WWOX: variants seen among roughly 807,000 people sequenced by gnomAD.
The protein encoded by WWOX is WW domain containing oxidoreductase.
In WWOX, 69 loss-of-function variants were observed where a neutral mutation model predicts 46.2. That is an observed-to-expected ratio of 1.49 (90% CI 1.23 to 1.82). The LOEUF (loss-of-function observed/expected upper bound fraction) is 1.82. Among genes scored for constraint, WWOX ranks in the 40% most tolerant of loss-of-function variants. The probability of loss-of-function intolerance (pLI) is 0.00; values close to 1 mark genes in which losing one functional copy is unlikely to be tolerated. For missense variants in WWOX, 919 were observed against 542.6 expected (o/e 1.69, Z -6.89); for synonymous variants, 359 against 202.6 (o/e 1.77, Z -6.56).
chr16:78,427,901 C>G (rs757369937), intron 7 of WWOX, among the ~76,000 whole-genome samples: 3 of 152,142 alleles, frequency 2.0e-5, no homozygotes, highest in Admixed American at 1.3e-4. Context: ...AACCCCATCT[C>G]TACTAAAAAT....
At chr16:78,936,331 C>G (rs1037967916) in intron 8 of WWOX, among the ~76,000 whole-genome samples, 5 of 152,154 alleles carry the variant, frequency 3.3e-5, no homozygotes, top group African/African-American at 1.2e-4. Flanking sequence ...CGAGTTTTCC[C>G]TGGACTTATC....
intron 4 of WWOX, among the ~76,000 whole-genome samples, chr16:78,160,814 T>C (rs1255857870): frequency 6.6e-6 from 1 of 152,228 alleles, no homozygotes; most frequent in East Asian, 1.9e-4. Flanking sequence ...AATTAAGTTG[T>C]TCAAGTCTTC....
chr16:79,077,533 G>C (rs1036260868), intron 8 of WWOX: 3 of 152,054 alleles, frequency 2.0e-5, no homozygotes, highest in Non-Finnish European at 4.4e-5. Context: ...TGCAGCTGTG[G>C]GGTTTGTGAG....
At chr16:78,319,500 G>A (rs901063995) in intron 5 of WWOX, among the ~76,000 whole-genome samples, 14 of 151,860 alleles carry the variant, frequency 9.2e-5, no homozygotes, top group African/African-American at 3.1e-4. Context: ...GGGCTCAAGC[G>A]GTCCTCCCTC....
rs1183678804 is a variant in WWOX, at chr16:78,935,425, TA to T, written c.1057-276176del. ...TACACCATGGAATACTACACAGCCA[TA>T]AAAAAAGGATGAGTTCATGTCTCTT... On this transcript the variant is annotated intron_variant, in intron 8 of 8. Transcript: ENST00000566780. Among the ~76,000 whole-genome samples, 14 of 151,812 alleles carry T rather than the reference TA, an allele frequency of 9.2e-5. No homozygotes were observed. The South Asian group carries it at 1.0e-3, about 11-fold the overall frequency.
rs144680920 is a variant in WWOX, at chr16:78,115,671, C to T, written c.409+517C>T. On this transcript the variant is annotated intron_variant, in intron 4 of 8. Coordinates refer to ENST00000566780, the MANE Select transcript of WWOX (RefSeq NM_016373.4). ...TTCACCTCTTAATTGCCAATGTTTA[C>T]CCACAGGGACTATCATGGGTAGATG... Among the ~76,000 whole-genome samples the T allele has an allele frequency of 3.3e-5, 5 of 152,258 alleles. No individual in the cohort carries two copies. The East Asian group carries it at 7.7e-4, about 23-fold the overall frequency.
At chr16:78,128,632 C>T (rs913197758) in intron 4 of WWOX, among the ~76,000 whole-genome samples, 3 of 152,194 alleles carry the variant, frequency 2.0e-5, no homozygotes, top group Non-Finnish European at 4.4e-5. Flanking sequence ...TTGCTGGCCA[C>T]ATCTTGATTA....
intron 8 of WWOX, among the ~76,000 whole-genome samples, chr16:78,824,725 G>A (rs2051601202): frequency 6.6e-6 from 1 of 152,164 alleles, no homozygotes; most frequent in Non-Finnish European, 1.5e-5. Context: ...CACGAGGATA[G>A]CGCAGGAAAG....
intron 7 of WWOX, among the ~76,000 whole-genome samples, chr16:78,426,734 G>T (rs575250403): frequency 6.6e-6 from 1 of 152,176 alleles, no homozygotes; most frequent in African/African-American, 2.4e-5. Context: ...CATGATCTCG[G>T]CTCACCACAA....
At chr16:78,667,575 G>T (rs538957526) in intron 8 of WWOX, among the ~76,000 whole-genome samples, 1 of 150,670 alleles carries the variant, frequency 6.6e-6, no homozygotes, top group South Asian at 2.1e-4. Flanking sequence ...GGAGACTGAG[G>T]CAGGAGAATG....
intron 8 of WWOX, among the ~76,000 whole-genome samples, chr16:78,495,187 T>C (rs12446611): frequency 0.73 from 103,276 of 140,958 alleles, 40,229 homozygotes; most frequent in Admixed American, 0.86. Context: ...GTCGCCCAGG[T>C]TGCAGTGCGG....
intron 8 of WWOX, among the ~76,000 whole-genome samples, chr16:78,499,511 C>G (rs574031321): frequency 3.9e-5 from 6 of 152,178 alleles, no homozygotes; most frequent in South Asian, 2.1e-4. Flanking sequence ...CAACTAGCAG[C>G]GACTGCAGAT....
At chr16:78,994,865 A>G (rs2046955861) in intron 8 of WWOX, among the ~76,000 whole-genome samples, 1 of 151,074 alleles carries the variant, frequency 6.6e-6, no homozygotes, top group African/African-American at 2.4e-5. Flanking sequence ...TGAAGCCATT[A>G]TTATAATGTG....
intron 8 of WWOX, among the ~76,000 whole-genome samples, chr16:78,871,600 C>G (rs558194240): frequency 4.6e-5 from 7 of 152,290 alleles, no homozygotes; most frequent in Admixed American, 2.0e-4. Flanking sequence ...AGGAAATGCA[C>G]TAGGTAACAG....
At chr16:78,915,365 G>T (rs761251762) in intron 8 of WWOX, among the ~76,000 whole-genome samples, 13 of 152,158 alleles carry the variant, frequency 8.5e-5, no homozygotes, top group Non-Finnish European at 1.5e-4. Flanking sequence ...CCCCTTTCAC[G>T]GGAGGCTGGG....
chr16:78,646,546 G>A (rs1342980412), intron 8 of WWOX, among the ~76,000 whole-genome samples: 1 of 151,974 alleles, frequency 6.6e-6, no homozygotes, highest in East Asian at 1.9e-4. Context: ...TCTGGCCTCA[G>A]CCTCTCTGGT....
In WWOX at chr16:78,198,185, G is replaced by A. The variant is rs561166017; in HGVS notation, c.516+33896G>A. On this transcript the variant is annotated intron_variant, in intron 5 of 8. Coordinates refer to ENST00000566780, the MANE Select transcript of WWOX (RefSeq NM_016373.4). Reference sequence around the variant, plus strand: ...GCCTCTGGGGGTCTCTGCCAGGCTTGTCTGGTCATGCAGCTACTTCCAGAC... The same window carrying A: ...GCCTCTGGGGGTCTCTGCCAGGCTTATCTGGTCATGCAGCTACTTCCAGAC... Among the ~76,000 whole-genome samples, 88 of 152,214 alleles carry A rather than the reference G, an allele frequency of 5.8e-4. No individual in the cohort carries two copies. In the Middle Eastern group the frequency reaches 0.01, roughly 18 times the overall value.
intron 5 of WWOX, among the ~76,000 whole-genome samples, chr16:78,195,905 T>G (rs2036037589): frequency 6.6e-6 from 1 of 151,740 alleles, no homozygotes; most frequent in South Asian, 2.1e-4. Flanking sequence ...CCGTTCCAAC[T>G]GGGCTTTTGA....
intron 8 of WWOX, among the ~76,000 whole-genome samples, chr16:78,846,061 A>C (rs2052290967): frequency 1.3e-5 from 2 of 152,220 alleles, no homozygotes; most frequent in South Asian, 4.1e-4. Flanking sequence ...GGAATCTGGC[A>C]CAAGTGGATT....
Sources: gnomAD v4.1 joint callset for allele counts (sites outside exome capture counted in the v4.1 genomes callset) on GRCh38, gnomAD v4.1.1 for gene constraint, MANE v1.5 for transcripts, NCBI Gene and HGNC (gene_info 2026-07-23, HGNC 2026-07-21) for gene names.